The following PTPRT variants were observed in gnomAD, a reference collection of about 807,000 sequenced individuals.
PTPRT encodes the protein protein tyrosine phosphatase receptor type T.
PTPRT carries 56 observed loss-of-function variants against 176.8 expected under a neutral mutation model. That is an observed-to-expected ratio of 0.32 (90% CI 0.26 to 0.40). The LOEUF (loss-of-function observed/expected upper bound fraction) is 0.40. Among genes scored for constraint, PTPRT ranks in the 10% least tolerant of loss-of-function variants. The pLI is 1.00. For missense variants in PTPRT, 1,540 were observed against 1,908.2 expected (o/e 0.81, Z 3.60); for synonymous variants, 783 against 739.0 (o/e 1.06, Z -0.96).
intron 1 of PTPRT, among the ~76,000 whole-genome samples, chr20:43,123,857 G>A (rs147054947): frequency 2.0e-4 from 31 of 152,230 alleles, no homozygotes; most frequent in Admixed American, 5.9e-4. Context: ...CCTGAGGCTC[G>A]GTTTCCCCAT....
chr20:43,034,529 G>A (rs1600663877), intron 1 of PTPRT, among the ~76,000 whole-genome samples: 1 of 143,258 alleles, frequency 7.0e-6, no homozygotes, highest in African/African-American at 2.8e-5. Context: ...GCTGAGAGAT[G>A]ATGTCTTCAC....
At chr20:42,559,589 C>T (rs928690213) in intron 7 of PTPRT, among the ~76,000 whole-genome samples, 6 of 152,162 alleles carry the variant, frequency 3.9e-5, no homozygotes, top group Non-Finnish European at 5.9e-5. Context: ...AATGATTAAT[C>T]TAGAGTCTAC....
chr20:43,004,236 T>C (rs1196805717), intron 1 of PTPRT, among the ~76,000 whole-genome samples: 1 of 149,056 alleles, frequency 6.7e-6, no homozygotes, highest in Non-Finnish European at 1.5e-5. Context: ...ATCTACAATG[T>C]ACAAAGAGCT....
rs935161972 is a variant in PTPRT, at chr20:42,539,361, C to T, written c.1154-66799G>A. 2.1e-3 allele frequency among the ~76,000 whole-genome samples: 282 copies of T among 134,202 alleles called. 1 individual carries two copies. The highest frequency in any genetic ancestry group is 7.4e-3 in the African/African-American group (273 of 36,830). The allele number at this position is 134,202 out of a possible 152,430, so 88.0% of individuals were successfully genotyped here. On this transcript the variant is annotated intron_variant, in intron 7 of 30. Coordinates refer to ENST00000373187, the MANE Select transcript of PTPRT (RefSeq NM_007050.6). Reference sequence around the variant, plus strand: ...TTACAAAAGTGGAGGATCACCATCACTTTTTTTTTTTTTTTTTGTGGTAAT... The same window carrying T: ...TTACAAAAGTGGAGGATCACCATCATTTTTTTTTTTTTTTTTTGTGGTAAT...
At chr20:42,654,633 T>A (rs1032542657) in intron 7 of PTPRT, among the ~76,000 whole-genome samples, 1 of 152,244 alleles carries the variant, frequency 6.6e-6, no homozygotes, top group African/African-American at 2.4e-5. Flanking sequence ...ATTTTTCCTG[T>A]GTACCTATCA....
intron 2 of PTPRT, among the ~76,000 whole-genome samples, chr20:42,802,260 G>T (rs1600760060): frequency 6.6e-6 from 1 of 152,184 alleles, no homozygotes; most frequent in South Asian, 2.1e-4. Context: ...CCCTGATAGG[G>T]CAGGGGCCCA....
chr20:42,182,704 C>A (rs1269119476), intron 16 of PTPRT, among the ~76,000 whole-genome samples: 2 of 152,076 alleles, frequency 1.3e-5, no homozygotes, highest in Admixed American at 1.3e-4. Context: ...TCAAACATGT[C>A]CAAAAATTTC....
At chr20:42,114,908 A>G (rs1202598287) in intron 22 of PTPRT, among the ~76,000 whole-genome samples, 1 of 151,700 alleles carries the variant, frequency 6.6e-6, no homozygotes, top group East Asian at 1.9e-4. Context: ...GCCCTCTCCT[A>G]CCACCCCATC....
chr20:42,620,809 T>G (rs1600486104), intron 7 of PTPRT, among the ~76,000 whole-genome samples: 1 of 152,102 alleles, frequency 6.6e-6, no homozygotes, highest in African/African-American at 2.4e-5. Context: ...TTGCGCACGG[T>G]GCGCGCACCC....
chr20:42,146,041 C>T (rs944646543), intron 17 of PTPRT, among the ~76,000 whole-genome samples: 2 of 152,166 alleles, frequency 1.3e-5, no homozygotes, highest in East Asian at 3.9e-4. Context: ...TTCTACCAAA[C>T]CTTGCATCCA....
chr20:42,130,928 CA>C (rs1340368601), intron 18 of PTPRT, among the ~76,000 whole-genome samples: 1 of 152,090 alleles, frequency 6.6e-6, no homozygotes, highest in Non-Finnish European at 1.5e-5. Context: ...TCAAAATAGC[CA>C]TATAGGTTAT....
chr20:42,819,765 G>T (rs2077857804), intron 2 of PTPRT, among the ~76,000 whole-genome samples: 1 of 151,948 alleles, frequency 6.6e-6, no homozygotes, highest in Non-Finnish European at 1.5e-5. Flanking sequence ...AAAAGCAGGG[G>T]TTGCAATCCT....
At chr20:42,213,504 A>G (rs2055695615) in intron 15 of PTPRT, among the ~76,000 whole-genome samples, 1 of 152,208 alleles carries the variant, frequency 6.6e-6, no homozygotes, top group African/African-American at 2.4e-5. Context: ...CTCTGGCCGC[A>G]AAAGATATGT....
chr20:42,175,971 C>A (rs1990274948), intron 16 of PTPRT, among the ~76,000 whole-genome samples: 1 of 152,104 alleles, frequency 6.6e-6, no homozygotes, highest in South Asian at 2.1e-4. Flanking sequence ...ATGTTATATC[C>A]TAACAGTATC....
At chr20:42,259,503 C>T (rs1305995454) in intron 13 of PTPRT, among the ~76,000 whole-genome samples, 1 of 152,132 alleles carries the variant, frequency 6.6e-6, no homozygotes, top group Non-Finnish European at 1.5e-5. Context: ...TTCTGTTGTG[C>T]CAAGGAGGCC....
rs147928475 is a variant in PTPRT at position 42,751,066 on chromosome 20, A to C, written c.859+5396T>G. On this transcript the variant is annotated intron_variant, in intron 6 of 30. Coordinates refer to ENST00000373187, the MANE Select transcript of PTPRT (RefSeq NM_007050.6). ...CCTCACATTAGGCAGCATCTTCTGA[A>C]GTGCTAATCTTTACCATCTCAGGAT... 8.4e-4 allele frequency among the ~76,000 whole-genome samples: 128 copies of C among 152,304 alleles called. 1 individual carries two copies. The East Asian group carries it at 0.019, about 23-fold the overall frequency.
At chr20:42,184,432 C>T (rs763538538) in intron 16 of PTPRT, among the ~76,000 whole-genome samples, 3 of 151,210 alleles carry the variant, frequency 2.0e-5, no homozygotes, top group Non-Finnish European at 3.0e-5. Context: ...CTTTCCTTTG[C>T]TTTCCCTCCC....
At chr20:42,748,086 C>G (rs760084286) in intron 6 of PTPRT, among the ~76,000 whole-genome samples, 32 of 150,236 alleles carry the variant, frequency 2.1e-4, no homozygotes, top group African/African-American at 7.6e-4. Flanking sequence ...ATAACCCATG[C>G]TCATTCATTT....
At chr20:42,067,812 C>T (rs1982133417), downstream of PTPRT, among the ~76,000 whole-genome samples, 1 of 152,186 alleles carries the variant, frequency 6.6e-6, no homozygotes, top group Non-Finnish European at 1.5e-5. Flanking sequence ...TTCAGATTAA[C>T]AGCTGGATGA....
Sources: gnomAD v4.1 joint callset for allele counts (sites outside exome capture counted in the v4.1 genomes callset) on GRCh38, gnomAD v4.1.1 for gene constraint, MANE v1.5 for transcripts, NCBI Gene and HGNC (gene_info 2026-07-23, HGNC 2026-07-21) for gene names.